The following SNX25 variants were observed in gnomAD, a reference collection of about 807,000 sequenced individuals.
SNX25 encodes sorting nexin-25.
Under a neutral mutation model 113.7 loss-of-function variants are expected in SNX25, and 62 were observed. The ratio of observed to expected loss-of-function variants is 0.55; its 90% confidence interval spans 0.44 to 0.67. The LOEUF (loss-of-function observed/expected upper bound fraction) is 0.67. SNX25 is among the 30% of genes least tolerant of loss of function. SNX25 has a pLI of 0.00. For missense variants in SNX25, 1,014 were observed against 1,161.0 expected (o/e 0.87, Z 1.84); for synonymous variants, 421 against 436.2 (o/e 0.97, Z 0.43).
At chr4:185,204,623 GCAGA>G (rs891117107), upstream of SNX25, among the ~76,000 whole-genome samples, 15 of 152,214 alleles carry the variant, frequency 9.9e-5, no homozygotes, top group Admixed American at 9.2e-4. Context: ...ACCTTATGTG[GCAGA>G]CAGGATTTAG....
At chr4:185,204,283 G>T (rs868601839) in exon 1 of SNX25, 1 of 152,226 alleles carries the variant, frequency 6.6e-6, no homozygotes. Flanking sequence ...CGTTGTTCTC[G>T]TGCGTTAATA....
the SNX25 span, chr4:185,376,802 CA>C: frequency 1.4e-6 from 1 of 726,932 alleles, no homozygotes; most frequent in African/African-American, 1.8e-5. Context: ...TGTAATTGGA[CA>C]GAATTTCCCT....
chr4:185,306,980 T>C lies in SNX25; in HGVS notation c.1163-3655T>C, dbSNP rs553505448. Reference sequence around the variant, plus strand: ...TATAACACAAGTTCAGAAACCATTATTGAAGTAAATGAAAATGGGATGAAA... The same window carrying C: ...TATAACACAAGTTCAGAAACCATTACTGAAGTAAATGAAAATGGGATGAAA... On this transcript the variant is annotated intron_variant, in intron 6 of 18. Transcript: ENST00000652585. 3.3e-5 allele frequency among the ~76,000 whole-genome samples: 5 copies of C among 152,322 alleles called. No homozygotes were observed. In the South Asian group the frequency reaches 1.0e-3, roughly 32 times the overall value.
chr4:185,248,276 A>G (rs750917818), intron 2 of SNX25, among the ~76,000 whole-genome samples: 73 of 152,218 alleles, frequency 4.8e-4, no homozygotes, highest in Admixed American at 9.8e-4. Context: ...AAATTTGGCA[A>G]TTATTCATAA....
chr4:185,310,912 T>A, intron 7 of SNX25, 96 bp downstream of exon 7: 1 of 1,200,672 alleles, frequency 8.3e-7, no homozygotes, highest in Non-Finnish European at 1.1e-6. Context: ...AGTATTGAAC[T>A]TAGACATGTG....
chr4:185,246,764 T>C (rs1307781766), intron 1 of SNX25, among the ~76,000 whole-genome samples: 1 of 152,212 alleles, frequency 6.6e-6, no homozygotes, highest in Non-Finnish European at 1.5e-5. Flanking sequence ...TGTTTTATTT[T>C]AGAGAAGCCT....
chr4:185,253,478 T>G (rs1446969287), intron 2 of SNX25, among the ~76,000 whole-genome samples: 2 of 151,840 alleles, frequency 1.3e-5, no homozygotes, highest in African/African-American at 4.8e-5. Context: ...TTCTTCTTTT[T>G]TTTTTTTGAG....
intron 1 of SNX25, among the ~76,000 whole-genome samples, chr4:185,238,271 G>C (rs1742971583): frequency 6.6e-6 from 1 of 151,852 alleles, no homozygotes; most frequent in African/African-American, 2.4e-5. Context: ...TTAGTAAATG[G>C]CAGAGTGGAG....
chr4:185,367,155 G>A, downstream of SNX25: 1 of 1,592,046 alleles, frequency 6.3e-7, no homozygotes, highest in Non-Finnish European at 8.6e-7. Flanking sequence ...TAGCATTGAT[G>A]ATCTTTGTTG....
At chr4:185,335,324 A>T (rs939881216) in intron 10 of SNX25, among the ~76,000 whole-genome samples, 14 of 139,552 alleles carry the variant, frequency 1.0e-4, no homozygotes, top group African/African-American at 3.9e-4. Flanking sequence ...TCTCACACAC[A>T]CACACACACA....
chr4:185,313,391 A>G (rs1470198266), intron 7 of SNX25, among the ~76,000 whole-genome samples: 2 of 152,246 alleles, frequency 1.3e-5, no homozygotes, highest in African/African-American at 4.8e-5. Flanking sequence ...CTCAATCAAT[A>G]AAGAGACCTT....
chr4:185,260,279 G>A (rs969786506), intron 3 of SNX25, among the ~76,000 whole-genome samples: 3 of 151,846 alleles, frequency 2.0e-5, no homozygotes, highest in Non-Finnish European at 4.4e-5. Context: ...GTGGTTCTCC[G>A]ACTTTTTGTT....
chr4:185,221,906 A>G (rs1431552536), intron 1 of SNX25, among the ~76,000 whole-genome samples: 1 of 152,054 alleles, frequency 6.6e-6, no homozygotes, highest in Non-Finnish European at 1.5e-5. Context: ...ACATATTCTT[A>G]TAGCACCATA....
intron 9 of SNX25, 70 bp from the exon 10 acceptor site, chr4:185,332,525 A>T: frequency 7.0e-7 from 1 of 1,430,274 alleles, no homozygotes; most frequent in East Asian, 2.3e-5. Context: ...GCAACAGGGT[A>T]TCGTGACCGA....
intron 10 of SNX25, among the ~76,000 whole-genome samples, chr4:185,338,469 G>A (rs998052876): frequency 6.6e-6 from 1 of 151,920 alleles, no homozygotes; most frequent in African/African-American, 2.4e-5. Flanking sequence ...TATATTTTTA[G>A]TAGTGACAGG....
chr4:185,234,836 A>G (rs1303190595), intron 1 of SNX25, among the ~76,000 whole-genome samples: 2 of 152,252 alleles, frequency 1.3e-5, no homozygotes, highest in East Asian at 3.8e-4. Context: ...TAGTGCAGAC[A>G]TTATTATTTT....
chr4:185,263,655 G>A (rs1345128471), intron 3 of SNX25, among the ~76,000 whole-genome samples: 1 of 152,186 alleles, frequency 6.6e-6, no homozygotes. Flanking sequence ...GCAGTACCTA[G>A]TATGTTTCTC....
chr4:185,360,439 G>C (rs1007215204), intron 16 of SNX25, among the ~76,000 whole-genome samples: 1 of 152,134 alleles, frequency 6.6e-6, no homozygotes, highest in South Asian at 2.1e-4. Flanking sequence ...TAAAATTCTG[G>C]TTGGAAGTCA....
intron 6 of SNX25, among the ~76,000 whole-genome samples, chr4:185,300,566 C>CT (rs1412671277): frequency 4.6e-5 from 7 of 151,920 alleles, no homozygotes. Flanking sequence ...ATTATGGACT[C>CT]TTGTGGACTT....
Sources: gnomAD v4.1 joint callset for allele counts (sites outside exome capture counted in the v4.1 genomes callset) on GRCh38, gnomAD v4.1.1 for gene constraint, MANE v1.5 for transcripts, NCBI Gene and HGNC (gene_info 2026-07-23, HGNC 2026-07-21) for gene names.